The following TOMM40 variants were observed in gnomAD, a reference collection of about 807,000 sequenced individuals.
TOMM40 encodes the protein translocase of outer mitochondrial membrane 40.
TOMM40 carries 9 observed loss-of-function variants against 38.4 expected under a neutral mutation model. That is an observed-to-expected ratio of 0.23 (90% CI 0.14 to 0.41). The LOEUF (loss-of-function observed/expected upper bound fraction) is 0.41, where lower values mean the gene tolerates loss of function less well. Among genes scored for constraint, TOMM40 ranks in the 10% least tolerant of loss-of-function variants. The pLI is 1.00. For synonymous variants in TOMM40, 184 were observed against 210.0 expected, an observed-to-expected ratio of 0.88 and a Z score of 1.07; for missense variants, 299 against 486.5, an observed-to-expected ratio of 0.61 and a Z score of 3.63.
chr19:44,898,144 T>A (rs1244150776), intron 5 of TOMM40, among the ~76,000 whole-genome samples: 4 of 151,392 alleles, frequency 2.6e-5, no homozygotes, highest in Non-Finnish European at 5.9e-5. Context: ...CGCCTAACAC[T>A]CAGCCCCTCT....
At chr19:44,892,690 C>A in intron 2 of TOMM40, 147 bp from the exon 3 acceptor site, 1 of 778,500 alleles carries the variant, frequency 1.3e-6, no homozygotes, top group Non-Finnish European at 2.2e-6. Flanking sequence ...TGTGGGCCTA[C>A]CGGCAGCACC....
At chr19:44,895,693 C>T (rs763726051) in intron 5 of TOMM40, among the ~76,000 whole-genome samples, 5 of 152,048 alleles carry the variant, frequency 3.3e-5, no homozygotes, top group African/African-American at 1.2e-4. Flanking sequence ...ACTACAGGCG[C>T]GCGCCACCAT....
Position 44,893,833 on chromosome 19 carries a change from G to A in TOMM40, c.489G>A (p.Gln163=). 1 of 1,612,272 alleles carries A rather than the reference G, an allele frequency of 6.2e-7. No homozygotes were observed. Among genetic ancestry groups the A allele is most frequent in the Non-Finnish European group, 8.5e-7 (1 of 1,180,008 alleles). Residue 163 remains glutamine, a synonymous_variant, in exon 4 of 9, where the codon CAG becomes CAA. Transcript: ENST00000426677. Reference sequence around the variant, plus strand: ...ACAACAGTGGCAGTCTCAACGCTCAGGTCATTCACCAGCTGGGCCCCGGTC... The same window carrying A: ...ACAACAGTGGCAGTCTCAACGCTCAAGTCATTCACCAGCTGGGCCCCGGTC... ...DMDNSGSLNA[Q]VIHQLGPGLR...
At position 44,891,336 on chromosome 19, in the gene TOMM40, G is replaced by GGGGCC; in HGVS notation, c.-78_-77insGCCGG. The GGGGCC allele has an allele frequency of 1.6e-6, 2 of 1,216,856 alleles. No homozygotes were observed. Among genetic ancestry groups the GGGGCC allele is most frequent in the Non-Finnish European group, 2.0e-6 (2 of 977,392 alleles). The allele number at this position is 1,216,856 out of a possible 1,614,324, so 75.4% of individuals were successfully genotyped here. A position where few individuals can be genotyped will look rare whatever the true frequency, so the allele number is the denominator to read the frequency against. ...GCCAGTGAGAACCGGGGCCGGAGCC[G>GGGGCC]GGTGCGGATTTGCTGGGGCTGAGTC... On this transcript the variant is annotated 5_prime_UTR_variant, in exon 1 of 9. Transcript: ENST00000426677.
intron 8 of TOMM40, chr19:44,901,736 C>CAAA: frequency 6.2e-6 from 1 of 160,120 alleles, no homozygotes; most frequent in Non-Finnish European, 1.3e-5. Context: ...GACTCCATCT[C>CAAA]AAAAAAAAAA....
chr19:44,901,333 G>A (rs763123795), intron 8 of TOMM40, 23 bp downstream of exon 8: 8 of 1,605,482 alleles, frequency 5.0e-6, no homozygotes, highest in African/African-American at 4.0e-5. Context: ...GTTCCCCTAC[G>A]CGGGAAACAG....
intron 5 of TOMM40, among the ~76,000 whole-genome samples, chr19:44,896,355 CCCTTCTG>C (rs1969565935): frequency 6.6e-6 from 1 of 152,188 alleles, no homozygotes; most frequent in Non-Finnish European, 1.5e-5. Context: ...GTGGTTCCAG[CCCTTCTG>C]GGCTTCAGTC....
chr19:44,892,309 G>A lies in TOMM40; in HGVS notation c.275-84G>A, dbSNP rs1969481295. The stretch of plus-strand genomic sequence containing the variant: ...TGAGATGTTCTGCTGTGGGTCTCTG[G>A]AGAGAGCTGGGGGTGGTAGGGAAGG... On this transcript the variant is annotated intron_variant, in intron 1 of 8. Transcript: ENST00000426677. 7.5e-6 allele frequency: 10 copies of A among 1,335,664 alleles called. No individual in the cohort carries two copies. In the East Asian group the frequency reaches 2.1e-4, roughly 28 times the overall value. 82.7% of individuals were successfully genotyped at this position (1,335,664 alleles called of 1,614,324 possible).
chr19:44,894,089 G>C, intron 5 of TOMM40, 23 bp downstream of exon 5: 2 of 1,478,514 alleles, frequency 1.4e-6, no homozygotes, highest in Non-Finnish European at 1.8e-6. Context: ...GGGCTTGGAG[G>C]GTGGTCACAA....
chr19:44,900,945 A>G, intron 6 of TOMM40, 83 bp from the exon 7 acceptor site: 3 of 1,609,810 alleles, frequency 1.9e-6, no homozygotes, highest in Non-Finnish European at 2.5e-6. Flanking sequence ...CTGGACACTC[A>G]GGTCTGAGGG....
At chr19:44,897,938 C>G (rs1969598198) in intron 5 of TOMM40, among the ~76,000 whole-genome samples, 1 of 151,980 alleles carries the variant, frequency 6.6e-6, no homozygotes, top group Non-Finnish European at 1.5e-5. Flanking sequence ...GATGGTGATT[C>G]AACAACCAGT....
intron 3 of TOMM40, among the ~76,000 whole-genome samples, 158 bp from the exon 4 acceptor site, chr19:44,893,622 G>T (rs935603499): frequency 2.0e-5 from 3 of 152,330 alleles, no homozygotes; most frequent in Admixed American, 2.0e-4. Flanking sequence ...GAACCCAAAG[G>T]TCGGGGAGCC....
intron 5 of TOMM40, among the ~76,000 whole-genome samples, chr19:44,899,880 C>T (rs1969646887): frequency 1.4e-5 from 2 of 142,122 alleles, no homozygotes; most frequent in Non-Finnish European, 3.0e-5. Context: ...TAGGCTCAAG[C>T]AATCCTCCCT....
At position 44,899,549 on chromosome 19, in the gene TOMM40, A is replaced by G. The variant is rs550087806; in HGVS notation, c.644-1181A>G. 6.6e-5 allele frequency among the ~76,000 whole-genome samples: 10 copies of G among 151,732 alleles called. No individual in the cohort carries two copies. The South Asian group carries it at 2.1e-3, about 32-fold the overall frequency. On this transcript the variant is annotated intron_variant, in intron 5 of 8. Coordinates refer to ENST00000426677, the MANE Select transcript of TOMM40 (RefSeq NM_001128917.2). ...AAGCTGGTTTCGAATTCCTGGGCTC[A>G]AATGAACCCACTTTGGCCTCCCAAA... is the stretch of plus-strand genomic sequence containing the variant.
intron 8 of TOMM40, chr19:44,901,605 T>C: frequency 1.6e-6 from 1 of 643,498 alleles, no homozygotes; most frequent in Non-Finnish European, 2.5e-6. Flanking sequence ...CCGGGTGTGG[T>C]TGCGGGTGCC....
chr19:44,895,998 A>G (rs973789543), intron 5 of TOMM40, among the ~76,000 whole-genome samples: 3 of 152,096 alleles, frequency 2.0e-5, no homozygotes, highest in Non-Finnish European at 4.4e-5. Context: ...TCTGTCGTCC[A>G]CCATTGTCCC....
In TOMM40 at chr19:44,891,687, A is replaced by AGGGTGAG. The variant is rs780265985; in HGVS notation, c.274+2_274+8dup. 8 of 1,472,486 alleles carry AGGGTGAG rather than the reference A, an allele frequency of 5.4e-6. No individual in the cohort carries two copies. The highest frequency in any genetic ancestry group is 1.5e-5 in the African/African-American group (1 of 68,316). 91.2% of individuals were successfully genotyped at this position (1,472,486 alleles called of 1,614,324 possible). A position where few individuals can be genotyped will look rare whatever the true frequency, so the allele number is the denominator to read the frequency against. The stretch of plus-strand genomic sequence containing the variant: ...TTCGAGGAGTGCCACCGGAAGTGCA[A>AGGGTGAG]GGGTGAGGGGCGAGGGGCCCCCGCT... On this transcript the variant is annotated frameshift_variant and splice_region_variant, in exon 1 of 9. Transcript: ENST00000426677. LOFTEE classifies it high-confidence loss of function.
At chr19:44,895,441 G>A (rs536796060) in intron 5 of TOMM40, among the ~76,000 whole-genome samples, 1 of 152,188 alleles carries the variant, frequency 6.6e-6, no homozygotes, top group South Asian at 2.1e-4. Context: ...ATCTGTAGGG[G>A]CCCCATGAGG....
At chr19:44,901,382 C>T in intron 8 of TOMM40, 72 bp downstream of exon 8, 1 of 1,556,584 alleles carries the variant, frequency 6.4e-7, no homozygotes, top group Non-Finnish European at 8.7e-7. Context: ...GTGTGGGCCA[C>T]CACAGGTGCT....
Sources: allele counts gnomAD v4.1 joint callset (sites outside exome capture counted in the v4.1 genomes callset), GRCh38; gene constraint gnomAD v4.1.1; transcripts MANE v1.5; gene names NCBI Gene and HGNC (gene_info 2026-07-23, HGNC 2026-07-21).